The following CSMD3 variants were observed in gnomAD, a reference collection of about 807,000 sequenced individuals.
CSMD3 encodes the protein CUB and Sushi multiple domains 3.
CSMD3 carries 177 observed loss-of-function variants against 435.2 expected under a neutral mutation model. That is an observed-to-expected ratio of 0.41 (90% confidence interval 0.36 to 0.46). The LOEUF (loss-of-function observed/expected upper bound fraction) is 0.46. Ranked by LOEUF, CSMD3 falls within the 20% of genes least tolerant of loss-of-function variation. CSMD3 has a pLI of 0.34. For missense variants in CSMD3, 4,265 were observed against 4,504.6 expected, an observed-to-expected ratio of 0.95 and a Z score of 1.52; for synonymous variants, 1,656 against 1,520.5, an observed-to-expected ratio of 1.09 and a Z score of -2.07.
chr8:113,162,038 G>C (rs1009758117), intron 4 of CSMD3, among the ~76,000 whole-genome samples: 3 of 151,964 alleles, frequency 2.0e-5, no homozygotes, highest in South Asian at 2.1e-4. Context: ...TTTATGAAGA[G>C]AGAAAAAGAC....
chr8:112,899,539 C>T (rs1331427601), intron 10 of CSMD3, among the ~76,000 whole-genome samples: 1 of 137,746 alleles, frequency 7.3e-6, no homozygotes, highest in African/African-American at 2.6e-5. Flanking sequence ...TAGAAATATA[C>T]TATATATATT....
chr8:113,309,053 A>G (rs958810745), intron 2 of CSMD3, among the ~76,000 whole-genome samples: 2 of 151,966 alleles, frequency 1.3e-5, no homozygotes. Context: ...GGTTCAAGCA[A>G]TCCTCCCACC....
At position 112,380,083 on chromosome 8, in the gene CSMD3, T is replaced by C. The variant is rs567617681; in HGVS notation, c.6136+269A>G. 5.9e-5 allele frequency among the ~76,000 whole-genome samples: 9 copies of C among 152,316 alleles called. No homozygotes were observed. In the East Asian group the frequency reaches 9.6e-4, roughly 16 times the overall value. On this transcript the variant is annotated intron_variant, in intron 38 of 70. Coordinates refer to ENST00000297405, the MANE Select transcript of CSMD3 (RefSeq NM_198123.2). Reference sequence around the variant, plus strand: ...TATTGGACTTATAGTTAATACAATATTGCACACTTAAACATTTGTTGAGAG... The same window carrying C: ...TATTGGACTTATAGTTAATACAATACTGCACACTTAAACATTTGTTGAGAG...
intron 4 of CSMD3, among the ~76,000 whole-genome samples, chr8:113,129,122 A>T (rs2091218564): frequency 6.6e-6 from 1 of 152,126 alleles, no homozygotes; most frequent in Non-Finnish European, 1.5e-5. Context: ...CATAATGAAG[A>T]TTGGATTTTC....
At chr8:112,530,016 A>G (rs1485860486) in intron 27 of CSMD3, among the ~76,000 whole-genome samples, 2 of 152,152 alleles carry the variant, frequency 1.3e-5, no homozygotes, top group African/African-American at 4.8e-5. Context: ...ACAATAACTA[A>G]AGTGAAAAAT....
chr8:112,382,045 A>G (rs769989948), intron 37 of CSMD3, among the ~76,000 whole-genome samples: 7 of 152,110 alleles, frequency 4.6e-5, no homozygotes, highest in African/African-American at 7.2e-5. Context: ...AGGAGGCTGT[A>G]AGACAGGAGG....
intron 5 of CSMD3, among the ~76,000 whole-genome samples, chr8:113,074,149 C>G (rs997063437): frequency 3.0e-5 from 4 of 131,164 alleles, no homozygotes; most frequent in Middle Eastern, 7.4e-3. Flanking sequence ...CAAAATAAGA[C>G]TTAAAGCACA....
chr8:113,277,086 A>T (rs1305832759), intron 3 of CSMD3, among the ~76,000 whole-genome samples: 1 of 152,058 alleles, frequency 6.6e-6, no homozygotes, highest in Admixed American at 6.6e-5. Flanking sequence ...ATCTAAAAAT[A>T]TCTTTATATT....
intron 32 of CSMD3, among the ~76,000 whole-genome samples, chr8:112,424,969 C>T (rs1408855561): frequency 6.6e-6 from 1 of 152,186 alleles, no homozygotes; most frequent in Non-Finnish European, 1.5e-5. Flanking sequence ...GGATTACAGG[C>T]ATGAGCCACC....
At chr8:112,350,445 A>G (rs1001402391) in intron 40 of CSMD3, among the ~76,000 whole-genome samples, 6 of 152,084 alleles carry the variant, frequency 3.9e-5, no homozygotes, top group Non-Finnish European at 7.4e-5. Context: ...CTGAAATTCC[A>G]TCATGTAGTT....
chr8:112,861,410 A>G (rs2080823501), intron 10 of CSMD3, among the ~76,000 whole-genome samples: 1 of 151,868 alleles, frequency 6.6e-6, no homozygotes, highest in Non-Finnish European at 1.5e-5. Context: ...ATGACCTGCC[A>G]TTTTACATAG....
intron 45 of CSMD3, among the ~76,000 whole-genome samples, chr8:112,323,373 C>A (rs774612070): frequency 3.3e-5 from 5 of 151,974 alleles, no homozygotes; most frequent in Non-Finnish European, 7.4e-5. Flanking sequence ...CCATTTAATT[C>A]CCGCTGTACT....
intron 58 of CSMD3, among the ~76,000 whole-genome samples, chr8:112,284,799 T>A (rs1437701182): frequency 6.6e-6 from 1 of 151,956 alleles, no homozygotes; most frequent in Admixed American, 6.6e-5. Flanking sequence ...ATTCTATTCA[T>A]TATCAGTTTG....
At chr8:112,476,630 T>C (rs1329083333) in intron 31 of CSMD3, among the ~76,000 whole-genome samples, 1 of 152,092 alleles carries the variant, frequency 6.6e-6, no homozygotes, top group Non-Finnish European at 1.5e-5. Flanking sequence ...ATGTAATTGA[T>C]AATAATTAAT....
At chr8:112,661,487 AATTG>A (rs2075378601) in intron 17 of CSMD3, among the ~76,000 whole-genome samples, 1 of 152,162 alleles carries the variant, frequency 6.6e-6, no homozygotes, top group Non-Finnish European at 1.5e-5. Context: ...ATGCCCTCTG[AATTG>A]CAGGCATTGT....
intron 4 of CSMD3, among the ~76,000 whole-genome samples, chr8:113,158,314 T>C (rs1182513137): frequency 6.6e-6 from 1 of 151,842 alleles, no homozygotes; most frequent in Admixed American, 6.6e-5. Flanking sequence ...GACAGAAATA[T>C]GAACCACATA....
intron 10 of CSMD3, among the ~76,000 whole-genome samples, chr8:112,898,089 G>A (rs188798496): frequency 4.0e-4 from 60 of 151,130 alleles, no homozygotes; most frequent in African/African-American, 1.4e-3. Context: ...TTACTGCTGT[G>A]CCCAAATGAC....
chr8:112,943,860 T>C (rs540687285), intron 9 of CSMD3, among the ~76,000 whole-genome samples: 21 of 151,792 alleles, frequency 1.4e-4, no homozygotes, highest in Admixed American at 3.3e-4. Flanking sequence ...TATCGCTACT[T>C]GAAGATTTCT....
At chr8:112,849,688 C>A (rs1051435385) in intron 11 of CSMD3, among the ~76,000 whole-genome samples, 2 of 151,640 alleles carry the variant, frequency 1.3e-5, no homozygotes, top group Non-Finnish European at 2.9e-5. Flanking sequence ...TATACTAGAT[C>A]AGGAGATAAA....
Sources: allele counts gnomAD v4.1 joint callset (sites outside exome capture counted in the v4.1 genomes callset), GRCh38; gene constraint gnomAD v4.1.1; transcripts MANE v1.5; gene names NCBI Gene and HGNC (gene_info 2026-07-23, HGNC 2026-07-21).